Variants in TPT1 observed in about 807,000 individuals in gnomAD.
The protein encoded by TPT1 is tumor protein, translationally-controlled 1.
Under a neutral mutation model 22.8 loss-of-function variants are expected in TPT1, and 5 were observed. That is an observed-to-expected ratio of 0.22 (90% CI 0.11 to 0.46). The LOEUF (loss-of-function observed/expected upper bound fraction) is 0.46. Ranked by LOEUF, TPT1 falls within the 20% of genes least tolerant of loss-of-function variation. The probability of loss-of-function intolerance (pLI) is 0.99; values close to 1 mark genes in which losing one functional copy is unlikely to be tolerated. For synonymous variants in TPT1, 89 were observed against 73.6 expected, an observed-to-expected ratio of 1.21 and a Z score of -1.07; for missense variants, 130 against 218.7, an observed-to-expected ratio of 0.59 and a Z score of 2.56.
chr13:45,338,599 C>T (rs768444179), intron 5 of TPT1, 61 bp downstream of exon 5: 21 of 1,583,954 alleles, frequency 1.3e-5, no homozygotes, highest in Admixed American at 1.1e-4. Context: ...AAAACAATTG[C>T]AAATCACATC....
Position 45,337,139 on chromosome 13 carries a change from G to T in TPT1, c.*247C>A. ...CCAGGAACACTACAGGATCAATTTA[G>T]TTTAAATATGCATTAAACTAAAAGG... On this transcript the variant is annotated 3_prime_UTR_variant, in exon 6 of 6. Coordinates refer to ENST00000530705, the MANE Select transcript of TPT1 (RefSeq NM_003295.4). 1 of 564,248 alleles carries T rather than the reference G, an allele frequency of 1.8e-6. No individual in the cohort carries two copies. The highest frequency in any genetic ancestry group is 3.2e-6 in the Non-Finnish European group (1 of 317,382). The allele number at this position is 564,248 out of a possible 1,614,324, so 35.0% of individuals were successfully genotyped here. A position where few individuals can be genotyped will look rare whatever the true frequency, so the allele number is the denominator to read the frequency against.
intron 1 of TPT1, 118 bp downstream of exon 1, chr13:45,340,924 C>A: frequency 6.6e-7 from 1 of 1,523,526 alleles, no homozygotes; most frequent in African/African-American, 1.4e-5. Context: ...ACCGACCCCT[C>A]CGCGCTCGGC....
At chr13:45,339,699 G>A (rs1270559473) in intron 3 of TPT1, 97 bp from the exon 4 acceptor site, 1 of 1,145,860 alleles carries the variant, frequency 8.7e-7, no homozygotes, top group East Asian at 2.5e-5. Flanking sequence ...AGAAAACACT[G>A]AAAAAGGCAA....
chr13:45,339,889 G>A, intron 3 of TPT1, 105 bp downstream of exon 3: 2 of 1,286,358 alleles, frequency 1.6e-6, no homozygotes, highest in Admixed American at 2.6e-5. Flanking sequence ...AAAAAGCAAG[G>A]ACTTTCACAA....
Position 45,340,507 on chromosome 13 carries a change from C to G in TPT1, c.102+205G>C, listed in dbSNP as rs558490387. The G allele has an allele frequency of 7.3e-5, 56 of 770,560 alleles. No homozygotes were observed. In the South Asian group the frequency reaches 8.2e-4, roughly 11 times the overall value. 47.7% of individuals were successfully genotyped at this position (770,560 alleles called of 1,614,324 possible). ...CCGGAAGCATCATGTCCCGGACAACCCCGGGAGGAGGATGGGCGCCGAGGC... is the reference window on the plus strand; with the variant it reads ...CCGGAAGCATCATGTCCCGGACAACGCCGGGAGGAGGATGGGCGCCGAGGC... On this transcript the variant is annotated intron_variant, in intron 2 of 5. Coordinates refer to ENST00000530705, the MANE Select transcript of TPT1 (RefSeq NM_003295.4).
rs1337323558 is a variant in TPT1, at chr13:45,336,778, C to G, written c.*608G>C. The G allele has an allele frequency of 6.5e-6, 1 of 152,710 alleles. No individual in the cohort carries two copies. Among genetic ancestry groups the G allele is most frequent in the Admixed American group, 6.5e-5 (1 of 15,310 alleles). 9.5% of individuals were successfully genotyped at this position (152,710 alleles called of 1,614,324 possible). A position where few individuals can be genotyped will look rare whatever the true frequency, so the allele number is the denominator to read the frequency against. On this transcript the variant is annotated 3_prime_UTR_variant, in exon 6 of 6. Transcript: ENST00000530705. ...ACAGGTGGTCAGATAGGCTAGTTTG[C>G]CAGTCCCTGTTCTAGTTACCAGGGA...
At chr13:45,340,881 G>C (rs528076200) in intron 1 of TPT1, 96 bp from the exon 2 acceptor site, 7 of 1,463,290 alleles carry the variant, frequency 4.8e-6, no homozygotes, top group Non-Finnish European at 4.5e-6. Context: ...CTGCCCCTCC[G>C]TAGCACACCA....
Position 45,334,689 on chromosome 13 carries a change from T to C in TPT1, c.*2697A>G, listed in dbSNP as rs910865817. 2.0e-5 allele frequency: 3 copies of C among 152,186 alleles called. No homozygotes were observed. The highest frequency in any genetic ancestry group is 1.9e-4 in the East Asian group (1 of 5,206). 9.4% of individuals were successfully genotyped at this position (152,186 alleles called of 1,614,324 possible). On this transcript the variant is annotated 3_prime_UTR_variant, in exon 6 of 6. Transcript: ENST00000530705. ...CTTAAAAACACATTATACACAATTA[T>C]TCTATGCTTTTACCCTGCCACCTGG...
At chr13:45,337,699 T>A (rs1308227413) in intron 5 of TPT1, 2 of 780,720 alleles carry the variant, frequency 2.6e-6, no homozygotes, top group Non-Finnish European at 4.4e-6. Flanking sequence ...AAACCTCAGA[T>A]ACTGTCTGAA....
chr13:45,340,876 C>G, intron 1 of TPT1, 91 bp from the exon 2 acceptor site: 1 of 1,458,930 alleles, frequency 6.9e-7, no homozygotes, highest in Non-Finnish European at 9.1e-7. Context: ...GGGATCTGCC[C>G]CTCCGTAGCA....
At position 45,337,330 on chromosome 13, in the gene TPT1, C is replaced by T. The variant is rs1593554201; in HGVS notation, c.*56G>A. The T allele has an allele frequency of 6.4e-7, 1 of 1,568,748 alleles. No individual in the cohort carries two copies. The highest frequency in any genetic ancestry group is 1.1e-5 in the South Asian group (1 of 90,000). ...TTAAGTCCTGGTGTTGTGTGGATGA[C>T]AAGCAGAAGCCAGTTATGATGACAG... On this transcript the variant is annotated 3_prime_UTR_variant, in exon 6 of 6. Transcript: ENST00000530705.
At chr13:45,337,663 C>A in intron 5 of TPT1, 1 of 1,077,174 alleles carries the variant, frequency 9.3e-7, no homozygotes. Flanking sequence ...GTGGCATGTA[C>A]CACCCACACC....
At chr13:45,339,386 C>CCA in intron 4 of TPT1, 111 bp downstream of exon 4, 9 of 879,532 alleles carry the variant, frequency 1.0e-5, no homozygotes, top group Non-Finnish European at 1.3e-5. Flanking sequence ...GCTGGGAAAG[C>CCA]CACTTTCTAC....
chr13:45,339,857 CTT>C (rs1878964178), intron 3 of TPT1, 135 bp downstream of exon 3: 2 of 1,007,228 alleles, frequency 2.0e-6, no homozygotes, highest in Admixed American at 5.8e-5. Flanking sequence ...AGCAACCACT[CTT>C]TTCCGTGAAC....
At chr13:45,339,716 G>T in intron 3 of TPT1, 114 bp from the exon 4 acceptor site, 3 of 960,146 alleles carry the variant, frequency 3.1e-6, no homozygotes, top group African/African-American at 1.7e-5. Context: ...GCAACCAGCT[G>T]TTAAGAAATT....
In TPT1 at chr13:45,334,538, A is replaced by C. The variant is rs1024036667; in HGVS notation, c.*2848T>G. ...CCCACCTCAGTGCCAACTTTCTTCC[A>C]AACGCTCAGACCAAAATACTTGTAT... On this transcript the variant is annotated 3_prime_UTR_variant, in exon 6 of 6. Transcript: ENST00000530705. The C allele has an allele frequency of 1.3e-5, 2 of 152,222 alleles. No homozygotes were observed. Among genetic ancestry groups the C allele is most frequent in the African/African-American group, 4.8e-5 (2 of 41,452 alleles). 9.4% of individuals were successfully genotyped at this position (152,222 alleles called of 1,614,324 possible).
intron 1 of TPT1, 123 bp from the exon 2 acceptor site, chr13:45,340,908 C>T (rs1000835272): frequency 1.1e-5 from 16 of 1,503,298 alleles, no homozygotes; most frequent in Non-Finnish European, 1.4e-5. Context: ...GGCGCGAGCC[C>T]CGGGCACCGA....
In TPT1 at chr13:45,334,989, G is replaced by C. The variant is rs1385042545; in HGVS notation, c.*2397C>G. The C allele has an allele frequency of 1.3e-5, 2 of 152,078 alleles. No homozygotes were observed. Among genetic ancestry groups the C allele is most frequent in the East Asian group, 3.8e-4 (2 of 5,202 alleles). The allele number at this position is 152,078 out of a possible 1,614,324, so 9.4% of individuals were successfully genotyped here. The stretch of plus-strand genomic sequence containing the variant: ...TTGTTTTCAAATGTCACATTACAAG[G>C]ACCTTCCTAGAAAAGTCCTCTTGCT... On this transcript the variant is annotated 3_prime_UTR_variant, in exon 6 of 6. Transcript: ENST00000530705.
intron 5 of TPT1, chr13:45,337,631 G>A (rs935232436): frequency 3.4e-6 from 5 of 1,490,170 alleles, no homozygotes; most frequent in Admixed American, 1.7e-5. Context: ...CAAATCAGCG[G>A]TAGCTCATTT....
Sources: gnomAD v4.1 joint callset for allele counts on GRCh38, gnomAD v4.1.1 for gene constraint, MANE v1.5 for transcripts, NCBI Gene and HGNC (gene_info 2026-07-23, HGNC 2026-07-21) for gene names.